Variants in SPAG16 observed in about 807,000 individuals in gnomAD.
SPAG16 encodes the protein sperm-associated antigen 16 protein.
SPAG16 carries 86 observed loss-of-function variants against 80.4 expected under a neutral mutation model. The ratio of observed to expected loss-of-function variants is 1.07; its 90% CI spans 0.90 to 1.28. The LOEUF (loss-of-function observed/expected upper bound fraction) is 1.28. SPAG16 is among the 50% of genes most tolerant of loss of function. The pLI, the probability that SPAG16 is intolerant of heterozygous loss-of-function variation, is 0.00. For missense variants in SPAG16, 870 were observed against 765.3 expected (o/e 1.14, Z -1.61); for synonymous variants, 294 against 265.9 (o/e 1.11, Z -1.03).
chr2:214,002,157 G>A (rs1033847874), intron 12 of SPAG16, among the ~76,000 whole-genome samples: 1 of 152,204 alleles, frequency 6.6e-6, no homozygotes, highest in Non-Finnish European at 1.5e-5. Context: ...TCCACGACAT[G>A]TGGGAATTAT....
chr2:214,202,768 A>C (rs2058044713), intron 15 of SPAG16, among the ~76,000 whole-genome samples: 1 of 152,208 alleles, frequency 6.6e-6, no homozygotes, highest in South Asian at 2.1e-4. Flanking sequence ...TCTAAGATAC[A>C]CAAATAAATG....
intron 13 of SPAG16, among the ~76,000 whole-genome samples, chr2:214,072,334 T>C (rs559429744): frequency 1.6e-4 from 25 of 152,290 alleles, no homozygotes; most frequent in African/African-American, 5.8e-4. Context: ...ATCTTTCTAA[T>C]GCCCAAATGA....
In SPAG16 at chr2:214,328,414, C is replaced by T. The variant is rs113687473; in HGVS notation, c.1721-81726C>T. On this transcript the variant is annotated intron_variant, in intron 15 of 15. Transcript: ENST00000331683. ...CTGACCTCAAGTGATCCACCCGCCTCGGCCTCCCAAAGTGTTGGGATTACA... is the reference window on the plus strand; with the variant it reads ...CTGACCTCAAGTGATCCACCCGCCTTGGCCTCCCAAAGTGTTGGGATTACA... 8.4e-4 allele frequency among the ~76,000 whole-genome samples: 128 copies of T among 152,306 alleles called. 1 individual carries two copies. In the Middle Eastern group the frequency reaches 0.01, roughly 12 times the overall value.
chr2:214,224,492 A>G (rs947107379), intron 15 of SPAG16, among the ~76,000 whole-genome samples: 4 of 152,170 alleles, frequency 2.6e-5, no homozygotes, highest in Non-Finnish European at 5.9e-5. Context: ...TTAGTTTATA[A>G]TAAGTTTGAA....
intron 15 of SPAG16, among the ~76,000 whole-genome samples, chr2:214,167,827 G>A (rs555059557): frequency 8.7e-4 from 129 of 148,798 alleles, no homozygotes; most frequent in African/African-American, 3.2e-3. Context: ...TTTCATTTTA[G>A]TTATGTACAG....
intron 15 of SPAG16, among the ~76,000 whole-genome samples, chr2:214,231,662 G>A (rs1688714132): frequency 6.6e-6 from 1 of 152,052 alleles, no homozygotes; most frequent in African/African-American, 2.4e-5. Flanking sequence ...GAAAAGAGGT[G>A]ATAGGATAAG....
chr2:214,131,194 C>T (rs1455713991), intron 14 of SPAG16, among the ~76,000 whole-genome samples: 2 of 151,856 alleles, frequency 1.3e-5, no homozygotes, highest in Non-Finnish European at 2.9e-5. Flanking sequence ...AGAAACACAG[C>T]GAGACCCCAT....
At chr2:213,562,825 C>T (rs991315438) in intron 10 of SPAG16, among the ~76,000 whole-genome samples, 11 of 152,070 alleles carry the variant, frequency 7.2e-5, no homozygotes, top group African/African-American at 2.4e-4. Context: ...TGGTGAGGGC[C>T]GATTTCATAT....
chr2:213,350,570 G>A lies in SPAG16; in HGVS notation c.687G>A (p.Val229=), dbSNP rs745766776. 1 of 1,599,878 alleles carries A rather than the reference G, an allele frequency of 6.3e-7. No homozygotes were observed. The highest frequency in any genetic ancestry group is 8.5e-7 in the Non-Finnish European group (1 of 1,175,798). Residue 229 remains valine (V), a synonymous_variant, in exon 7 of 16, where the codon GTG becomes GTA. Transcript: ENST00000331683. ...HYASYEPTIR[V]LHEKHHTLLK... The stretch of plus-strand genomic sequence containing the variant: ...CATCTTATGAACCGACTATAAGGGT[G>A]TTACATGAGAAACACCACACTTTAC...
intron 12 of SPAG16, among the ~76,000 whole-genome samples, chr2:214,004,434 A>G (rs1245957970): frequency 1.3e-5 from 2 of 152,126 alleles, no homozygotes; most frequent in Non-Finnish European, 2.9e-5. Flanking sequence ...TTTACATTTT[A>G]AGAGAATGGC....
At chr2:213,649,396 C>T (rs906449835) in intron 10 of SPAG16, among the ~76,000 whole-genome samples, 4 of 152,194 alleles carry the variant, frequency 2.6e-5, no homozygotes, top group East Asian at 3.8e-4. Flanking sequence ...GTTCTACTCA[C>T]GCTGTCGCAA....
chr2:214,351,078 G>A (rs1265284716), intron 15 of SPAG16, among the ~76,000 whole-genome samples: 1 of 152,048 alleles, frequency 6.6e-6, no homozygotes, highest in Non-Finnish European at 1.5e-5. Context: ...AATACTACTT[G>A]GGAATGAGGA....
intron 10 of SPAG16, among the ~76,000 whole-genome samples, chr2:213,777,135 G>A (rs1161257509): frequency 6.7e-6 from 1 of 149,586 alleles, no homozygotes; most frequent in Non-Finnish European, 1.5e-5. Context: ...ATTTCCTAAA[G>A]AAACTATTGT....
At chr2:213,713,984 T>A (rs890022236) in intron 10 of SPAG16, among the ~76,000 whole-genome samples, 18 of 152,224 alleles carry the variant, frequency 1.2e-4, no homozygotes, top group Admixed American at 6.5e-4. Flanking sequence ...TCAAAAGTTC[T>A]ATAACATGAG....
chr2:213,554,789 C>T (rs78836530), intron 10 of SPAG16, among the ~76,000 whole-genome samples: 15,043 of 150,586 alleles, frequency 0.1, 1,348 homozygotes, highest in African/African-American at 0.24. Context: ...TATTTTAAAA[C>T]ACAAAGGAGA....
At chr2:213,424,655 A>G (rs1017194695) in intron 9 of SPAG16, among the ~76,000 whole-genome samples, 9 of 152,238 alleles carry the variant, frequency 5.9e-5, no homozygotes, top group African/African-American at 2.2e-4. Flanking sequence ...AAAAATAAAT[A>G]GTACATTTAT....
At chr2:214,243,377 G>A (rs1351561924) in intron 15 of SPAG16, among the ~76,000 whole-genome samples, 1 of 151,996 alleles carries the variant, frequency 6.6e-6, no homozygotes, top group African/African-American at 2.4e-5. Flanking sequence ...TTCTCAAAGT[G>A]TAGTTTAATT....
intron 6 of SPAG16, among the ~76,000 whole-genome samples, chr2:213,341,983 T>C (rs555316136): frequency 1.3e-4 from 20 of 152,284 alleles, no homozygotes; most frequent in African/African-American, 4.8e-4. Context: ...TAAAATAGAT[T>C]AAACAGAGTT....
intron 12 of SPAG16, among the ~76,000 whole-genome samples, chr2:213,965,133 G>A (rs1255500179): frequency 6.6e-6 from 1 of 152,156 alleles, no homozygotes; most frequent in Non-Finnish European, 1.5e-5. Flanking sequence ...AATGCAGTCT[G>A]TTTTCTCCAC....
Sources: gnomAD v4.1 joint callset for allele counts (sites outside exome capture counted in the v4.1 genomes callset) on GRCh38, gnomAD v4.1.1 for gene constraint, MANE v1.5 for transcripts, NCBI Gene and HGNC (gene_info 2026-07-23, HGNC 2026-07-21) for gene names.